KIRREL3: variants seen among roughly 807,000 people sequenced by gnomAD.
KIRREL3 encodes kirre like nephrin family adhesion molecule 3.
Under a neutral mutation model 89.7 loss-of-function variants are expected in KIRREL3, and 36 were observed. The observed-to-expected ratio is 0.40, with a 90% confidence interval of 0.31 to 0.53. KIRREL3 has a LOEUF of 0.53. Ranked by LOEUF, KIRREL3 falls within the 20% of genes least tolerant of loss-of-function variation. The pLI, the probability that KIRREL3 is intolerant of heterozygous loss-of-function variation, is 0.49. For synonymous variants in KIRREL3, 445 were observed against 441.4 expected (o/e 1.01, Z -0.10); for missense variants, 864 against 1,056.6 (o/e 0.82, Z 2.53).
At chr11:126,467,059 T>C (rs1015589444) in intron 5 of KIRREL3, among the ~76,000 whole-genome samples, 2 of 152,212 alleles carry the variant, frequency 1.3e-5, no homozygotes, top group Non-Finnish European at 2.9e-5. Context: ...GGCATATAGA[T>C]GGCGTGTGTG....
intron 1 of KIRREL3, among the ~76,000 whole-genome samples, chr11:126,762,257 C>T (rs1002320626): frequency 1.3e-5 from 2 of 152,114 alleles, no homozygotes; most frequent in African/African-American, 4.8e-5. Flanking sequence ...CTCATCTTTC[C>T]TTTTGCAGAT....
rs1366487648 is a variant in KIRREL3, at chr11:126,989,162, T to A, written c.55+11293A>T. Among the ~76,000 whole-genome samples the A allele has an allele frequency of 2.6e-5, 4 of 152,246 alleles. No homozygotes were observed. In the East Asian group the frequency reaches 5.8e-4, roughly 22 times the overall value. On this transcript the variant is annotated intron_variant, in intron 1 of 16. Transcript: ENST00000525144. The surrounding 1 kb of genome is among the most constrained non-coding windows in gnomAD (Gnocchi z 6.2). ...TGTTTCCTCTTCTACCCTTGTAGCA[T>A]CAACTCTGCAGTTTGAAGTAAGGTT...
intron 1 of KIRREL3, among the ~76,000 whole-genome samples, chr11:126,913,715 G>A (rs573403698): frequency 5.1e-4 from 78 of 152,298 alleles, no homozygotes; most frequent in Non-Finnish European, 7.4e-4. Flanking sequence ...GAAGCCCAAA[G>A]AATGCCTTCC....
chr11:126,776,573 G>A lies in KIRREL3; in HGVS notation c.56-213661C>T, dbSNP rs1244795171. ...ATGCAGGTCCCTTAAGAGAGATTGAGTCCTTCTCTAGCAATAAGACCTAGC... is the reference window on the plus strand; with the variant it reads ...ATGCAGGTCCCTTAAGAGAGATTGAATCCTTCTCTAGCAATAAGACCTAGC... On this transcript the variant is annotated intron_variant, in intron 1 of 16. Coordinates refer to ENST00000525144, the MANE Select transcript of KIRREL3 (RefSeq NM_032531.4). This position sits in a 1 kb window ranked among gnomAD's most constrained non-coding sequence, Gnocchi z 4.7. 1.3e-5 allele frequency among the ~76,000 whole-genome samples: 2 copies of A among 152,308 alleles called. No homozygotes were observed. The highest frequency in any genetic ancestry group is 1.3e-4 in the Admixed American group (2 of 15,304).
In KIRREL3 at chr11:126,635,950, G is replaced by A. The variant is rs930934902; in HGVS notation, c.56-73038C>T. On this transcript the variant is annotated intron_variant, in intron 1 of 16. Transcript: ENST00000525144. The surrounding 1 kb of genome is among the most constrained non-coding windows in gnomAD (Gnocchi z 4.0). ...TATTTTTGGGTCATGGGCAGGGCCA[G>A]CAGGCCTACAGGTAGCGGGAGGGAT... Among the ~76,000 whole-genome samples, 27 of 152,152 alleles carry A rather than the reference G, an allele frequency of 1.8e-4. No homozygotes were observed. The highest frequency in any genetic ancestry group is 6.5e-5 in the Admixed American group (1 of 15,280).
At chr11:126,460,119 G>C (rs1956495247) in intron 6 of KIRREL3, among the ~76,000 whole-genome samples, 1 of 152,158 alleles carries the variant, frequency 6.6e-6, no homozygotes, top group African/African-American at 2.4e-5. Context: ...CAGGAGGAGG[G>C]GGAAGGGGGG....
In KIRREL3 at chr11:126,424,942, G is replaced by C. The variant is rs540776882; in HGVS notation, c.1975C>G (p.Pro659Ala). 4.4e-6 allele frequency: 7 copies of C among 1,597,478 alleles called. No homozygotes were observed. Among genetic ancestry groups the C allele is most frequent in the Non-Finnish European group, 8.6e-7 (1 of 1,168,802 alleles). ...TGCTTGCCCGCAGGACGCAGGTCGG[G>C]CTGGCAGCTGGAGAGGGAGATGGTC... ...TPTISLSSCQ[P>A]DLRPAGKQRV... The change falls in exon 17 of 17, where the codon CCC (proline) becomes GCC (alanine). Residue 659 changes from proline (P) to alanine (A), a missense_variant. Physicochemically the swap from Pro to Ala is conservative, Grantham distance 27. Coordinates refer to ENST00000525144, the MANE Select transcript of KIRREL3 (RefSeq NM_032531.4).
At position 126,473,286 on chromosome 11, in the gene KIRREL3, ACCCCCT is replaced by A; in HGVS notation, c.591+17_591+22del. The A allele has an allele frequency of 1.7e-5, 5 of 288,088 alleles. No homozygotes were observed. Among genetic ancestry groups the A allele is most frequent in the Non-Finnish European group, 2.2e-5 (5 of 222,718 alleles). 17.8% of individuals were successfully genotyped at this position (288,088 alleles called of 1,614,324 possible). A position where few individuals can be genotyped will look rare whatever the true frequency, so the allele number is the denominator to read the frequency against. ...CTCCCCTTGAAGCCCGTCCACACCC[ACCCCCT>A]CCCCTCCAGGCCTCACCTTGGAGTA... On this transcript the variant is annotated intron_variant, in intron 5 of 16. Coordinates refer to ENST00000525144, the MANE Select transcript of KIRREL3 (RefSeq NM_032531.4).
At chr11:126,988,523 A>C (rs1395863774) in intron 1 of KIRREL3, 1 of 152,738 alleles carries the variant, frequency 6.5e-6, no homozygotes, top group Non-Finnish European at 1.5e-5. Flanking sequence ...AATTTCAGAA[A>C]TACTGGTGCC....
Position 126,795,898 on chromosome 11 carries a change from C to T in KIRREL3, c.55+204557G>A, listed in dbSNP as rs573661754. On this transcript the variant is annotated intron_variant, in intron 1 of 16. Transcript: ENST00000525144. This position sits in a 1 kb window ranked among gnomAD's most constrained non-coding sequence, Gnocchi z 4.1. ...CAGCCTCCGTACTGCCAGGCTCGTCCTCACCCTGGGTAAAGGCTCATGCAG... is the reference window on the plus strand; with the variant it reads ...CAGCCTCCGTACTGCCAGGCTCGTCTTCACCCTGGGTAAAGGCTCATGCAG... Among the ~76,000 whole-genome samples, 5 of 152,242 alleles carry T rather than the reference C, an allele frequency of 3.3e-5. No individual in the cohort carries two copies. In the South Asian group the frequency reaches 1.0e-3, roughly 32 times the overall value.
At chr11:126,728,965 G>T (rs887914153) in intron 1 of KIRREL3, among the ~76,000 whole-genome samples, 12 of 152,226 alleles carry the variant, frequency 7.9e-5, no homozygotes, top group Non-Finnish European at 1.2e-4. Flanking sequence ...GAGGGCAATG[G>T]CTGGGCAGTG....
At chr11:126,450,797 G>A (rs1172988466) in intron 7 of KIRREL3, among the ~76,000 whole-genome samples, 1 of 151,562 alleles carries the variant, frequency 6.6e-6, no homozygotes, top group East Asian at 1.9e-4. Flanking sequence ...GTGCATGTGT[G>A]TGTCTGCATG....
chr11:126,846,954 A>G (rs953536589), intron 1 of KIRREL3, among the ~76,000 whole-genome samples: 1 of 133,396 alleles, frequency 7.5e-6, no homozygotes, highest in African/African-American at 2.9e-5. Context: ...ATTTGAATAA[A>G]AGCATAATGA....
At chr11:126,504,890 G>A (rs79797586) in intron 4 of KIRREL3, among the ~76,000 whole-genome samples, 3,787 of 152,200 alleles carry the variant, frequency 0.025, 172 homozygotes, top group African/African-American at 0.084. Flanking sequence ...TATTAATAGA[G>A]TAATAAATAA....
Position 126,568,284 on chromosome 11 carries a change from G to A in KIRREL3, c.56-5372C>T, listed in dbSNP as rs568852924. The stretch of plus-strand genomic sequence containing the variant: ...CATAAAGGATCCCTTCAGCACTGGT[G>A]CAGATGATGGATGGGAGATGAGCTC... On this transcript the variant is annotated intron_variant, in intron 1 of 16. Coordinates refer to ENST00000525144, the MANE Select transcript of KIRREL3 (RefSeq NM_032531.4). The surrounding 1 kb of genome is among the most constrained non-coding windows in gnomAD (Gnocchi z 4.6). Among the ~76,000 whole-genome samples, 5 of 152,320 alleles carry A rather than the reference G, an allele frequency of 3.3e-5. No individual in the cohort carries two copies. The highest frequency in any genetic ancestry group is 1.2e-4 in the African/African-American group (5 of 41,576).
At chr11:126,493,224 A>G (rs1957568054) in intron 4 of KIRREL3, among the ~76,000 whole-genome samples, 3 of 152,130 alleles carry the variant, frequency 2.0e-5, no homozygotes, top group African/African-American at 7.2e-5. Context: ...GCATCATGCA[A>G]TGAGAATTGG....
chr11:126,940,949 C>T lies in KIRREL3; in HGVS notation c.55+59506G>A, dbSNP rs1948422783. 1 of 152,138 alleles carries T rather than the reference C, an allele frequency of 6.6e-6. No homozygotes were observed. Among genetic ancestry groups the T allele is most frequent in the African/African-American group, 2.4e-5 (1 of 41,422 alleles). 9.4% of individuals were successfully genotyped at this position (152,138 alleles called of 1,614,324 possible). A position where few individuals can be genotyped will look rare whatever the true frequency, so the allele number is the denominator to read the frequency against. ...AGTGAGTTCACTTATGTCTGGGTTA[C>T]TGTAGATTTGGGTTTTGCTATTACT... On this transcript the variant is annotated intron_variant, in intron 1 of 16. Transcript: ENST00000525144. This position sits in a 1 kb window ranked among gnomAD's most constrained non-coding sequence, Gnocchi z 4.6.
intron 1 of KIRREL3, among the ~76,000 whole-genome samples, chr11:126,873,044 T>A (rs1284057166): frequency 1.3e-5 from 2 of 152,206 alleles, no homozygotes. Context: ...AACAGATACA[T>A]CTTTGTTCAG....
chr11:126,842,031 T>C (rs1943979350), intron 1 of KIRREL3, among the ~76,000 whole-genome samples: 1 of 151,820 alleles, frequency 6.6e-6, no homozygotes, highest in African/African-American at 2.4e-5. Context: ...TGGGGTAGGG[T>C]GAGGAGTGGA....
Sources: allele counts gnomAD v4.1 joint callset (sites outside exome capture counted in the v4.1 genomes callset), GRCh38; gene constraint gnomAD v4.1.1; non-coding constraint Gnocchi (gnomAD v3.1); transcripts MANE v1.5; gene names NCBI Gene and HGNC (gene_info 2026-07-23, HGNC 2026-07-21).